The following TBL1XR1 variants were observed in gnomAD, a reference collection of about 807,000 sequenced individuals.
TBL1XR1 encodes F-box-like/WD repeat-containing protein TBL1XR1.
A neutral mutation model predicts 66.9 loss-of-function variants in TBL1XR1; 5 were observed. That is an observed-to-expected ratio of 0.07 (90% confidence interval 0.04 to 0.16). TBL1XR1 has a LOEUF of 0.16. Among genes scored for constraint, TBL1XR1 ranks in the 10% least tolerant of loss-of-function variants. The pLI, the probability that TBL1XR1 is intolerant of heterozygous loss-of-function variation, is 1.00. For missense variants in TBL1XR1, 238 were observed against 623.2 expected (o/e 0.38, Z 6.58); for synonymous variants, 210 against 206.0 (o/e 1.02, Z -0.17).
At chr3:177,083,792 T>C (rs1051429154) in intron 2 of TBL1XR1, among the ~76,000 whole-genome samples, 10 of 152,028 alleles carry the variant, frequency 6.6e-5, no homozygotes, top group African/African-American at 2.4e-4. Context: ...TTTTTGTTTT[T>C]TTAAAGGAAA....
intron 2 of TBL1XR1, among the ~76,000 whole-genome samples, chr3:177,090,108 C>T (rs1176436196): frequency 6.6e-6 from 1 of 152,168 alleles, no homozygotes; most frequent in Non-Finnish European, 1.5e-5. Context: ...AAACAGCTAT[C>T]TGTGTAATGG....
At chr3:177,148,863 T>C (rs1241674647) in intron 1 of TBL1XR1, among the ~76,000 whole-genome samples, 1 of 151,424 alleles carries the variant, frequency 6.6e-6, no homozygotes, top group Non-Finnish European at 1.5e-5. Context: ...AATTAGCTGG[T>C]TGTGGTGGTG....
intron 10 of TBL1XR1, chr3:177,044,813 C>G (rs569636400): frequency 7.9e-5 from 12 of 152,268 alleles, no homozygotes; most frequent in African/African-American, 2.9e-4. Flanking sequence ...AGAGCACCAT[C>G]TCCAACACAG....
rs530849616 is a variant in TBL1XR1 at position 177,169,143 on chromosome 3, TAATC to T, written c.-122+27974_-122+27977del. Among the ~76,000 whole-genome samples the T allele has an allele frequency of 1.8e-3, 278 of 152,354 alleles. 2 individuals are homozygous for T. The highest frequency in any genetic ancestry group is 4.6e-3 in the Admixed American group (70 of 15,292). ...TTATCATTTTCTTAATGTTGTTCATTAATCAATAGCGATAAAGTGGGAATTTATC... is the reference window on the plus strand; with the variant it reads ...TTATCATTTTCTTAATGTTGTTCATTAATAGCGATAAAGTGGGAATTTATC... On this transcript the variant is annotated intron_variant, in intron 1 of 15. Coordinates refer to ENST00000457928, the MANE Select transcript of TBL1XR1 (RefSeq NM_024665.7).
intron 1 of TBL1XR1, among the ~76,000 whole-genome samples, chr3:177,151,822 G>A (rs1730922807): frequency 6.6e-6 from 1 of 152,160 alleles, no homozygotes; most frequent in Non-Finnish European, 1.5e-5. Flanking sequence ...TCAGAAGTTT[G>A]AGACCAACCT....
chr3:177,152,176 A>C (rs1232017161), intron 1 of TBL1XR1, among the ~76,000 whole-genome samples: 1 of 152,216 alleles, frequency 6.6e-6, no homozygotes, highest in Non-Finnish European at 1.5e-5. Context: ...CTTCTTCCAA[A>C]GATGCTCCCA....
chr3:177,126,652 A>C (rs1283933711), intron 1 of TBL1XR1, among the ~76,000 whole-genome samples: 1 of 152,170 alleles, frequency 6.6e-6, no homozygotes, highest in Middle Eastern at 3.2e-3. Flanking sequence ...ATTCACATTC[A>C]AGACTTTCTC....
chr3:177,093,280 C>T (rs558921078), intron 2 of TBL1XR1, among the ~76,000 whole-genome samples: 21 of 152,096 alleles, frequency 1.4e-4, no homozygotes, highest in Admixed American at 2.6e-4. Context: ...AGATGAAAGA[C>T]CTCTACAAGG....
chr3:177,140,983 G>A (rs1729564812), intron 1 of TBL1XR1, among the ~76,000 whole-genome samples: 1 of 152,042 alleles, frequency 6.6e-6, no homozygotes, highest in South Asian at 2.1e-4. Context: ...GTGGCCCAGG[G>A]AAGCCAAATG....
chr3:177,150,557 G>A (rs1577318715), intron 1 of TBL1XR1, among the ~76,000 whole-genome samples: 1 of 152,172 alleles, frequency 6.6e-6, no homozygotes, highest in Non-Finnish European at 1.5e-5. Flanking sequence ...AACAAAATAC[G>A]ATGTCTCTTT....
chr3:177,134,678 A>G (rs1323236171), intron 1 of TBL1XR1, among the ~76,000 whole-genome samples: 1 of 152,090 alleles, frequency 6.6e-6, no homozygotes, highest in Non-Finnish European at 1.5e-5. Context: ...TAAAATTTTT[A>G]AATACGGAAT....
At chr3:177,038,220 G>C in intron 11 of TBL1XR1, 48 bp from the exon 12 acceptor site, 1 of 1,603,762 alleles carries the variant, frequency 6.2e-7, no homozygotes, top group Non-Finnish European at 8.5e-7. Context: ...AGACTGGGTA[G>C]CTACTTGAAT....
chr3:177,176,033 TG>T (rs1297583142), intron 1 of TBL1XR1, among the ~76,000 whole-genome samples: 1 of 148,452 alleles, frequency 6.7e-6, no homozygotes, highest in Admixed American at 6.8e-5. Flanking sequence ...CACTCCAGCC[TG>T]GGCAACAGAG....
intron 10 of TBL1XR1, among the ~76,000 whole-genome samples, chr3:177,042,364 GCAAAAT>G (rs1268068392): frequency 1.3e-5 from 2 of 152,088 alleles, no homozygotes; most frequent in Non-Finnish European, 2.9e-5. Context: ...AGGGCAGCCT[GCAAAAT>G]GTTAGAGAGG....
At chr3:177,192,060 T>C (rs1436580874) in intron 1 of TBL1XR1, among the ~76,000 whole-genome samples, 1 of 133,344 alleles carries the variant, frequency 7.5e-6, no homozygotes, top group Non-Finnish European at 1.5e-5. Flanking sequence ...ACCATTGCAC[T>C]CCAGCATGGG....
At chr3:177,197,977 A>G (rs1476365532), upstream of TBL1XR1, among the ~76,000 whole-genome samples, 3 of 149,114 alleles carry the variant, frequency 2.0e-5, no homozygotes, top group Non-Finnish European at 4.5e-5. Flanking sequence ...TTCCCCAAGG[A>G]CGCCGCGGGC....
At chr3:177,185,861 A>C (rs1159016998) in intron 1 of TBL1XR1, among the ~76,000 whole-genome samples, 3 of 151,978 alleles carry the variant, frequency 2.0e-5, no homozygotes, top group Non-Finnish European at 4.4e-5. Context: ...AAATAAAAAA[A>C]TTGGCTGGGC....
At chr3:177,101,933 T>C (rs1413899617) in intron 1 of TBL1XR1, among the ~76,000 whole-genome samples, 2 of 152,114 alleles carry the variant, frequency 1.3e-5, no homozygotes, top group Non-Finnish European at 2.9e-5. Context: ...AGGGTACAAA[T>C]TTGAACCCCT....
chr3:177,158,239 T>C (rs1042575443), intron 1 of TBL1XR1, among the ~76,000 whole-genome samples: 4 of 150,950 alleles, frequency 2.6e-5, no homozygotes, highest in African/African-American at 7.3e-5. Context: ...CTTTTTTTTT[T>C]TTTTTTTTAA....
Sources: gnomAD v4.1 joint callset for allele counts (sites outside exome capture counted in the v4.1 genomes callset) on GRCh38, gnomAD v4.1.1 for gene constraint, MANE v1.5 for transcripts, NCBI Gene and HGNC (gene_info 2026-07-23, HGNC 2026-07-21) for gene names.